PUDP: variants seen among roughly 807,000 people sequenced by gnomAD.
PUDP encodes the protein pseudouridine-5'-phosphatase.
In PUDP, 8 loss-of-function variants were observed where a neutral mutation model predicts 9.4. That is an observed-to-expected ratio of 0.85 (90% CI 0.50 to 1.53). PUDP has a LOEUF of 1.53. Ranked by LOEUF, PUDP falls within the 40% of genes most tolerant of loss-of-function variation. The probability of loss-of-function intolerance (pLI) is 0.00; values close to 1 mark genes in which losing one functional copy is unlikely to be tolerated. For missense variants in PUDP, 188 were observed against 189.7 expected (o/e 0.99, Z 0.05); for synonymous variants, 99 against 80.7 (o/e 1.23, Z -1.22).
intron 1 of PUDP, among the ~76,000 whole-genome samples, chrX:7,108,627 T>A (rs1321102690): frequency 1.8e-5 from 2 of 112,616 alleles, no homozygotes; most frequent in Non-Finnish European, 3.8e-5. Context: ...TCTTGGCAAA[T>A]CCACCCACAG....
At chrX:6,753,243 T>C (rs1217392385) in intron 3 of PUDP, among the ~76,000 whole-genome samples, 3 of 112,029 alleles carry the variant, frequency 2.7e-5, no homozygotes, top group Non-Finnish European at 3.8e-5. Context: ...CATTCCTGAG[T>C]TACTTCACTT....
At chrX:6,973,367 A>T (rs1928906883) in intron 3 of PUDP, among the ~76,000 whole-genome samples, 1 of 111,742 alleles carries the variant, frequency 8.9e-6, no homozygotes, top group African/African-American at 3.3e-5. Context: ...TTCCCTCGAA[A>T]CACTGCTTTA....
intron 3 of PUDP, among the ~76,000 whole-genome samples, chrX:6,804,131 G>A (rs1926009737): frequency 9.0e-6 from 1 of 111,695 alleles, no homozygotes; most frequent in South Asian, 3.8e-4. Context: ...AGAGCATGAA[G>A]CAATTCTGTG....
intron 3 of PUDP, among the ~76,000 whole-genome samples, chrX:6,969,515 A>G (rs5933913): frequency 0.3 from 33,759 of 111,664 alleles, 4,493 homozygotes; most frequent in Non-Finnish European, 0.41. Flanking sequence ...ACTGCAGGAC[A>G]CAACCTATTG....
At chrX:7,065,020 A>T (rs964691759) in intron 3 of PUDP, among the ~76,000 whole-genome samples, 4 of 111,749 alleles carry the variant, frequency 3.6e-5, no homozygotes, top group Non-Finnish European at 7.5e-5. Context: ...AAAAATAGTT[A>T]ACATTATCTT....
At chrX:6,851,866 A>G (rs190734378) in intron 3 of PUDP, among the ~76,000 whole-genome samples, 2 of 111,917 alleles carry the variant, frequency 1.8e-5, no homozygotes, top group African/African-American at 3.2e-5. Flanking sequence ...TGTCCATGCA[A>G]TGATGGAGTG....
chrX:6,719,116 C>T (rs748987877), intron 1 of PUDP, among the ~76,000 whole-genome samples: 3 of 111,244 alleles, frequency 2.7e-5, no homozygotes, highest in South Asian at 3.9e-4. Flanking sequence ...CTACCACAGA[C>T]GGGGTGACTT....
At chrX:6,930,809 G>C (rs1327814081) in intron 3 of PUDP, among the ~76,000 whole-genome samples, 2 of 110,791 alleles carry the variant, frequency 1.8e-5, no homozygotes, top group Non-Finnish European at 3.8e-5. Flanking sequence ...AATTCCTTTA[G>C]ATCAAGGTCT....
chrX:6,719,871 C>T (rs773998826), intron 1 of PUDP, among the ~76,000 whole-genome samples: 8 of 111,524 alleles, frequency 7.2e-5, no homozygotes, highest in Middle Eastern at 4.7e-3. Context: ...CATTGATAAA[C>T]TGGCACAGCC....
intron 1 of PUDP, among the ~76,000 whole-genome samples, chrX:7,034,306 A>G (rs1468234278): frequency 9.8e-5 from 11 of 111,974 alleles, no homozygotes; most frequent in Non-Finnish European, 1.7e-4. Context: ...CCCAACTGAT[A>G]TAAGTGGTGA....
At chrX:6,865,524 C>T (rs112134227) in intron 3 of PUDP, among the ~76,000 whole-genome samples, 3 of 112,392 alleles carry the variant, frequency 2.7e-5, no homozygotes, top group Non-Finnish European at 5.6e-5. Flanking sequence ...ACAAACTCAA[C>T]AGTAGATGTT....
At chrX:6,884,064 T>A (rs762923809) in intron 3 of PUDP, among the ~76,000 whole-genome samples, 1 of 111,445 alleles carries the variant, frequency 9.0e-6, no homozygotes, top group Non-Finnish European at 1.9e-5. Context: ...GTGGTCTTGA[T>A]CTCCTGACGT....
chrX:6,862,521 C>T (rs1396031082), intron 3 of PUDP, among the ~76,000 whole-genome samples: 1 of 111,772 alleles, frequency 8.9e-6, no homozygotes, highest in Non-Finnish European at 1.9e-5. Flanking sequence ...TAAAATGAGT[C>T]ATTAAAGTGA....
chrX:6,876,637 T>TTG (rs1555914349), intron 3 of PUDP, among the ~76,000 whole-genome samples: 16 of 64,537 alleles, frequency 2.5e-4, no homozygotes, highest in African/African-American at 8.1e-4. Flanking sequence ...ACCTAAAATG[T>TTG]TATGTGTGTG....
chrX:7,138,973 A>C (rs902707874), intron 1 of PUDP, among the ~76,000 whole-genome samples: 6 of 111,953 alleles, frequency 5.4e-5, no homozygotes, highest in Admixed American at 1.9e-4. Context: ...TGCTTTAGTA[A>C]AGATGCCTAT....
intron 3 of PUDP, among the ~76,000 whole-genome samples, chrX:6,794,159 A>T (rs1019784162): frequency 2.0e-4 from 23 of 112,256 alleles, no homozygotes; most frequent in Non-Finnish European, 7.5e-5. Flanking sequence ...TTGCTTAACG[A>T]TGGGGACACA....
chrX:6,794,122 A>T (rs931071243), intron 3 of PUDP, among the ~76,000 whole-genome samples: 2 of 112,226 alleles, frequency 1.8e-5, no homozygotes, highest in East Asian at 2.8e-4. Flanking sequence ...ATGTATATTC[A>T]TATAGGATTC....
intron 1 of PUDP, among the ~76,000 whole-genome samples, chrX:6,981,058 C>T (rs1353007262): frequency 3.6e-5 from 4 of 111,864 alleles, no homozygotes; most frequent in Non-Finnish European, 7.5e-5. Flanking sequence ...ATGAGACCGA[C>T]AAAAGCTCAA....
At chrX:6,847,420 A>T (rs1926765874) in intron 3 of PUDP, among the ~76,000 whole-genome samples, 1 of 112,382 alleles carries the variant, frequency 8.9e-6, no homozygotes, top group Admixed American at 9.4e-5. Flanking sequence ...GTTTGGACAA[A>T]GAGAAAATAA....
Sources: allele counts gnomAD v4.1 joint callset (sites outside exome capture counted in the v4.1 genomes callset), GRCh38; gene constraint gnomAD v4.1.1; transcripts MANE v1.5; gene names NCBI Gene and HGNC (gene_info 2026-07-23, HGNC 2026-07-21).